Variants in SCARB1 observed in about 807,000 individuals in gnomAD.
SCARB1 encodes the protein CD36 and LIMPII analogous 1.
SCARB1 carries 30 observed loss-of-function variants against 57.2 expected under a neutral mutation model. The ratio of observed to expected loss-of-function variants is 0.52; its 90% CI spans 0.39 to 0.71. The LOEUF is 0.71. Ranked by LOEUF, SCARB1 falls within the 30% of genes least tolerant of loss-of-function variation. The pLI, the probability that SCARB1 is intolerant of heterozygous loss-of-function variation, is 0.00. For missense variants in SCARB1, 543 were observed against 671.2 expected (o/e 0.81, Z 2.11); for synonymous variants, 249 against 268.3 (o/e 0.93, Z 0.70).
chr12:124,841,880 C>T (rs1432566521), intron 1 of SCARB1, among the ~76,000 whole-genome samples: 2 of 152,210 alleles, frequency 1.3e-5, no homozygotes, highest in Non-Finnish European at 2.9e-5. Context: ...CATGGCCCAT[C>T]CCTCCTGCTA....
At chr12:124,798,874 A>T (rs1166372525) in intron 8 of SCARB1, among the ~76,000 whole-genome samples, 5 of 151,616 alleles carry the variant, frequency 3.3e-5, no homozygotes, top group Non-Finnish European at 5.9e-5. Context: ...AGTTGAATTC[A>T]TGGAAGCAGA....
chr12:124,853,640 C>T (rs939159234), intron 1 of SCARB1, among the ~76,000 whole-genome samples: 1 of 152,150 alleles, frequency 6.6e-6, no homozygotes, highest in Non-Finnish European at 1.5e-5. Flanking sequence ...GGTGACCCAC[C>T]CACTTCGGCC....
chr12:124,828,993 C>T (rs1025720842), intron 1 of SCARB1, among the ~76,000 whole-genome samples: 1 of 152,182 alleles, frequency 6.6e-6, no homozygotes, highest in Non-Finnish European at 1.5e-5. Flanking sequence ...CTCCATGGGG[C>T]CTTAAGATGC....
At chr12:124,818,706 C>T (rs1347841684) in intron 1 of SCARB1, among the ~76,000 whole-genome samples, 1 of 111,874 alleles carries the variant, frequency 8.9e-6, no homozygotes, top group Non-Finnish European at 2.2e-5. Context: ...ACTGCAGTGG[C>T]GCGATCTCGG....
intron 1 of SCARB1, among the ~76,000 whole-genome samples, chr12:124,836,356 C>A (rs1951648073): frequency 6.6e-6 from 1 of 152,202 alleles, no homozygotes; most frequent in Admixed American, 6.5e-5. Context: ...TTCTGAACTG[C>A]TGAACGCATC....
At chr12:124,846,361 C>T (rs539150336) in intron 1 of SCARB1, among the ~76,000 whole-genome samples, 1 of 152,270 alleles carries the variant, frequency 6.6e-6, no homozygotes, top group East Asian at 1.9e-4. Context: ...CTCTGACTGT[C>T]GGGCCCTAGA....
In SCARB1 at chr12:124,862,805, A is replaced by G. The variant is rs539350003; in HGVS notation, c.126+790T>C. On this transcript the variant is annotated intron_variant, in intron 1 of 12. Transcript: ENST00000261693. ...AACAGGCCACCCAGGCACCCAGGGC[A>G]GAGTCTGTCCGTCTGCAGACCAGCT... 3.3e-4 allele frequency among the ~76,000 whole-genome samples: 51 copies of G among 152,362 alleles called. 1 individual carries two copies. Among genetic ancestry groups the G allele is most frequent in the Middle Eastern group, 3.4e-3 (1 of 294 alleles).
chr12:124,793,556 G>A (rs935553468), intron 9 of SCARB1, among the ~76,000 whole-genome samples: 40 of 152,258 alleles, frequency 2.6e-4, no homozygotes, highest in African/African-American at 8.7e-4. Context: ...AGCCGGGCAC[G>A]GTGGCGGGCG....
chr12:124,835,156 A>G (rs1450229024), intron 1 of SCARB1, among the ~76,000 whole-genome samples: 1 of 152,166 alleles, frequency 6.6e-6, no homozygotes, highest in African/African-American at 2.4e-5. Context: ...CAATGTGGAA[A>G]AGGGGAAAGT....
At chr12:124,819,291 G>A (rs1234538916) in intron 1 of SCARB1, among the ~76,000 whole-genome samples, 1 of 152,216 alleles carries the variant, frequency 6.6e-6, no homozygotes, top group Non-Finnish European at 1.5e-5. Context: ...AGGCCCTGTG[G>A]TAGGGAGACG....
intron 6 of SCARB1, among the ~76,000 whole-genome samples, chr12:124,809,922 G>T (rs1950461450): frequency 6.6e-6 from 1 of 152,098 alleles, no homozygotes; most frequent in African/African-American, 2.4e-5. Context: ...GACATGTCCT[G>T]CCCCCTCCTC....
chr12:124,779,849 G>C (rs1873102408), intron 12 of SCARB1, among the ~76,000 whole-genome samples: 1 of 152,132 alleles, frequency 6.6e-6, no homozygotes, highest in African/African-American at 2.4e-5. Flanking sequence ...AGCGGGCACA[G>C]GGGCCAGGGT....
At position 124,782,655 on chromosome 12, in the gene SCARB1, G is replaced by A. The variant is rs76570971; in HGVS notation, c.*28C>T. 450 of 1,611,532 alleles carry A rather than the reference G, an allele frequency of 2.8e-4. 6 individuals are homozygous for A. The East Asian group carries it at 6.7e-3, about 24-fold the overall frequency. On this transcript the variant is annotated intron_variant, in intron 12 of 12. Transcript: ENST00000261693. ...TCTACTTGATATGGGAGGGGGCGGGGAGGCGCACGGCATTACCTGGTACCC... is the reference window on the plus strand; with the variant it reads ...TCTACTTGATATGGGAGGGGGCGGGAAGGCGCACGGCATTACCTGGTACCC...
chr12:124,802,871 T>A (rs575489216), intron 7 of SCARB1, among the ~76,000 whole-genome samples: 1 of 152,292 alleles, frequency 6.6e-6, no homozygotes, highest in South Asian at 2.1e-4. Flanking sequence ...AAAGGCATGG[T>A]ACCTTTACTC....
intron 12 of SCARB1, among the ~76,000 whole-genome samples, chr12:124,779,769 T>TGCCCACCTCC (rs1411831804): frequency 3.3e-5 from 5 of 152,280 alleles, no homozygotes; most frequent in South Asian, 4.1e-4. Flanking sequence ...TGGAAACCGC[T>TGCCCACCTCC]GCCCACCTCC....
Position 124,778,232 on chromosome 12 carries a change from C to T in SCARB1, c.*355G>A, listed in dbSNP as rs572355554. Reference sequence around the variant, plus strand: ...AGGAAGCCTGGGCCCAACGGCTGAACGGGACAGGCCAGGCTCACCCGAGGA... The same window carrying T: ...AGGAAGCCTGGGCCCAACGGCTGAATGGGACAGGCCAGGCTCACCCGAGGA... On this transcript the variant is annotated 3_prime_UTR_variant, in exon 13 of 13. Coordinates refer to ENST00000261693, the MANE Select transcript of SCARB1 (RefSeq NM_005505.5). The T allele has an allele frequency of 3.6e-5, 14 of 390,872 alleles. No individual in the cohort carries two copies. The highest frequency in any genetic ancestry group is 6.5e-4 in the Middle Eastern group (1 of 1,548). 24.2% of individuals were successfully genotyped at this position (390,872 alleles called of 1,614,324 possible).
At chr12:124,830,585 G>A (rs754033876) in intron 1 of SCARB1, among the ~76,000 whole-genome samples, 1 of 152,070 alleles carries the variant, frequency 6.6e-6, no homozygotes, top group African/African-American at 2.4e-5. Flanking sequence ...TATAAGTGAC[G>A]TCCCGGGGAA....
chr12:124,823,423 A>T (rs1951018453), intron 1 of SCARB1, among the ~76,000 whole-genome samples: 1 of 152,236 alleles, frequency 6.6e-6, no homozygotes, highest in Non-Finnish European at 1.5e-5. Context: ...TCAAAGTCAC[A>T]ATGGGCCACC....
chr12:124,846,371 A>C (rs1233461125), intron 1 of SCARB1, among the ~76,000 whole-genome samples: 2 of 152,160 alleles, frequency 1.3e-5, no homozygotes, highest in Non-Finnish European at 2.9e-5. Flanking sequence ...CGGGCCCTAG[A>C]GGGATTCAGG....
Sources: allele counts gnomAD v4.1 joint callset (sites outside exome capture counted in the v4.1 genomes callset), GRCh38; gene constraint gnomAD v4.1.1; transcripts MANE v1.5; gene names NCBI Gene and HGNC (gene_info 2026-07-23, HGNC 2026-07-21).